LILRB2: variants seen among roughly 807,000 people sequenced by gnomAD.
The protein encoded by LILRB2 is leukocyte immunoglobulin like receptor B2, also known as leukocyte immunoglobulin-like receptor subfamily B member 2.
Under a neutral mutation model 72.7 loss-of-function variants are expected in LILRB2, and 47 were observed. That is an observed-to-expected ratio of 0.65 (90% confidence interval 0.51 to 0.82). LILRB2 has a LOEUF of 0.82. Among genes scored for constraint, LILRB2 ranks in the 40% least tolerant of loss-of-function variants. LILRB2 has a pLI of 0.00. For synonymous variants in LILRB2, 279 were observed against 313.7 expected (o/e 0.89, Z 1.17); for missense variants, 767 against 764.8 (o/e 1.00, Z -0.03).
chr19:54,273,913 T>G lies in LILRB2; in HGVS notation c.*770A>C, dbSNP rs1409216598. 6.6e-6 allele frequency: 1 copy of G among 152,250 alleles called. No homozygotes were observed. Among genetic ancestry groups the G allele is most frequent in the African/African-American group, 2.4e-5 (1 of 41,408 alleles). 9.4% of individuals were successfully genotyped at this position (152,250 alleles called of 1,614,324 possible). ...ATATATACACACACATACACACACA[T>G]TTAAAATGAGTCAGATTCTCTGATT... is the stretch of plus-strand genomic sequence containing the variant. On this transcript the variant is annotated 3_prime_UTR_variant, in exon 14 of 14. Coordinates refer to ENST00000314446, the MANE Select transcript of LILRB2 (RefSeq NM_001080978.4).
At position 54,279,448 on chromosome 19, in the gene LILRB2, G is replaced by A. The variant is rs779681764; in HGVS notation, c.555C>T (p.Pro185=). The change falls in exon 5 of 14, where the codon CCC becomes CCT. Residue 185 remains proline (P), a synonymous_variant. Transcript: ENST00000314446. Reference sequence around the variant, plus strand: ...GCGACCACCTGCGATTCGGGCTCACGGGGCCCACGGAGAAGATGGCGCGGG... The same window carrying A: ...GCGACCACCTGCGATTCGGGCTCACAGGGCCCACGGAGAAGATGGCGCGGG... ...GSSRAIFSVG[P]VSPNRRWSHR... 3.8e-5 allele frequency: 62 copies of A among 1,614,058 alleles called. No homozygotes were observed. Among genetic ancestry groups the A allele is most frequent in the African/African-American group, 2.4e-4 (18 of 74,924 alleles).
chr19:54,280,500 G>T lies in LILRB2; in HGVS notation c.-4C>A. 1 of 1,613,692 alleles carries T rather than the reference G, an allele frequency of 6.2e-7. No individual in the cohort carries two copies. Among genetic ancestry groups the T allele is most frequent in the Non-Finnish European group, 8.5e-7 (1 of 1,179,924 alleles). ...GGACTGTGACGATGGGGGTCATGGC[G>T]TCTCCTCCCACTGCCCTGCTCTGCG... is the stretch of plus-strand genomic sequence containing the variant. On this transcript the variant is annotated 5_prime_UTR_variant, in exon 2 of 14. Transcript: ENST00000314446.
In LILRB2 at chr19:54,278,827, C is replaced by A. The variant is rs41308752; in HGVS notation, c.940G>T (p.Asp314Tyr). 3.7e-6 allele frequency: 6 copies of A among 1,609,256 alleles called. No individual in the cohort carries two copies. The highest frequency in any genetic ancestry group is 5.1e-6 in the Non-Finnish European group (6 of 1,176,740). ...SECSAPSDPLDILITGQIRGT... is the reference protein window; with the variant it reads ...SECSAPSDPLYILITGQIRGT... ...GGCTCCTCACCTGTGATCAGGATGT[C>A]CAGGGGGTCGCTGGGGGCCGAGCAC... Residue 314 changes from aspartate (D) to tyrosine (Y), a missense_variant, in exon 6 of 14, where the codon GAC becomes TAC. Coordinates refer to ENST00000314446, the MANE Select transcript of LILRB2 (RefSeq NM_001080978.4).
In LILRB2 at chr19:54,276,052, C is replaced by T. The variant is rs751035047; in HGVS notation, c.1595-49G>A. On this transcript the variant is annotated intron_variant, in intron 12 of 13. Transcript: ENST00000314446. ...CGTCTCTTGGGAAGGTTCCCTGGGACCTCTGAGTCCTGCCAGCCCCTGCCC... is the reference window on the plus strand; with the variant it reads ...CGTCTCTTGGGAAGGTTCCCTGGGATCTCTGAGTCCTGCCAGCCCCTGCCC... 29 of 1,604,832 alleles carry T rather than the reference C, an allele frequency of 1.8e-5. No individual in the cohort carries two copies. In the Admixed American group the frequency reaches 4.7e-4, roughly 26 times the overall value.
rs778552917 is a variant in LILRB2, at chr19:54,276,281, G to A, written c.1577C>T (p.Ala526Val). 1.2e-5 allele frequency: 20 copies of A among 1,613,916 alleles called. No individual in the cohort carries two copies. The highest frequency in any genetic ancestry group is 1.6e-5 in the Non-Finnish European group (19 of 1,179,932). Residue 526 changes from alanine (A) to valine (V), a missense_variant, in exon 12 of 14, where the codon GCC (alanine) becomes GTC (valine). Ala to Val is a moderately conservative substitution (Grantham distance 64). Transcript: ENST00000314446. ...LQWRSSPAAD[A>V]QEENLYAAVK... ...TCACTCACAGAGGTTTTCTTCCTGGGCGTCGGCAGCTGGGCTGGACCTGGG... is the reference window on the plus strand; with the variant it reads ...TCACTCACAGAGGTTTTCTTCCTGGACGTCGGCAGCTGGGCTGGACCTGGG...
Position 54,276,801 on chromosome 19 carries a change from A to G in LILRB2, c.1480+6T>C. On this transcript the variant is annotated splice_donor_region_variant and intron_variant, in intron 10 of 13. Transcript: ENST00000314446. ...CGGCCCACAGGGTTTCCCCTTCCCT[A>G]CTCACTCGATGTCCAGTGTTTGCCC... The G allele has an allele frequency of 6.2e-7, 1 of 1,611,946 alleles. No homozygotes were observed. Among genetic ancestry groups the G allele is most frequent in the Non-Finnish European group, 8.5e-7 (1 of 1,178,970 alleles).
chr19:54,277,262 C>G (rs1331887821), intron 9 of LILRB2: 7 of 1,524,032 alleles, frequency 4.6e-6, no homozygotes, highest in Admixed American at 2.0e-5. Context: ...CTCCCCTGCC[C>G]CAGGTCACCG....
chr19:54,280,177 C>T, intron 3 of LILRB2, 87 bp downstream of exon 3: 1 of 1,612,376 alleles, frequency 6.2e-7, no homozygotes, highest in Non-Finnish European at 8.5e-7. Context: ...CAGTCCAGAA[C>T]TTCTAATCCC....
chr19:54,278,411 T>A lies in LILRB2; in HGVS notation c.1107A>T (p.Arg369Ser), dbSNP rs775432442. 2 of 1,614,190 alleles carry A rather than the reference T, an allele frequency of 1.2e-6. No individual in the cohort carries two copies. The highest frequency in any genetic ancestry group is 3.3e-5 in the Admixed American group (2 of 60,030). Reference protein sequence around the residue: ...AGAADAPLRLRSIHEYPKYQA... With the variant: ...AGAADAPLRLSSIHEYPKYQA... ...GGTACTTAGGATATTCGTGTATTGA[T>A]CTTAGACGGAGTGGGGCATCAGCTG... The change falls in exon 7 of 14, where the codon AGA (arginine) becomes AGT (serine). Residue 369 changes from arginine (R) to serine (S), a missense_variant. Physicochemically the swap from Arg to Ser is moderately radical, Grantham distance 110. Transcript: ENST00000314446.
chr19:54,276,705 A>G, intron 10 of LILRB2, 102 bp downstream of exon 10: 1 of 1,526,372 alleles, frequency 6.6e-7, no homozygotes, highest in Non-Finnish European at 8.8e-7. Context: ...AAATGCTGGA[A>G]CAGTTTCTCA....
In LILRB2 at chr19:54,276,906, C is replaced by G. The variant is rs758711654; in HGVS notation, c.1381G>C (p.Val461Leu). The G allele has an allele frequency of 6.2e-7, 1 of 1,614,034 alleles. No individual in the cohort carries two copies. The highest frequency in any genetic ancestry group is 1.1e-5 in the South Asian group (1 of 91,060). The change falls in exon 10 of 14, where the codon GTG (valine) becomes CTG (leucine). Residue 461 changes from valine to leucine, a missense_variant. This residue lies in a region of LILRB2 where 162 missense variants were observed against 176.7 expected (regional missense o/e 0.92). Coordinates refer to ENST00000314446, the MANE Select transcript of LILRB2 (RefSeq NM_001080978.4). ...QSGLGRHLGV[V>L]IGILVAVVLL... ...ACGACGGCCACCAAGATGCCGATCA[C>G]AACCCCCAGGTGCCTTCCCAGACCT...
chr19:54,277,828 C>T, intron 8 of LILRB2, 61 bp downstream of exon 8: 1 of 1,402,616 alleles, frequency 7.1e-7, no homozygotes, highest in Non-Finnish European at 9.9e-7. Context: ...TCCTCCTGGA[C>T]ACTCAAAGCT....
chr19:54,280,433 T>G, intron 2 of LILRB2, 30 bp downstream of exon 2: 1 of 1,613,888 alleles, frequency 6.2e-7, no homozygotes. Flanking sequence ...CCTCCTAGGT[T>G]AGAAGCTCCC....
Position 54,278,942 on chromosome 19 carries a change from C to A in LILRB2, c.825G>T (p.Gly275=). 1 of 1,614,182 alleles carries A rather than the reference C, an allele frequency of 6.2e-7. No individual in the cohort carries two copies. ...RQLPGRQPQA[G]LSQANFTLGP... is the part of the protein sequence containing the mutation. ...CCAGGGTGAAGTTGGCCTGGGAGAGCCCAGCCTGGGGCTGCCGGCCAGGGA... is the reference window on the plus strand; with the variant it reads ...CCAGGGTGAAGTTGGCCTGGGAGAGACCAGCCTGGGGCTGCCGGCCAGGGA... Residue 275 remains glycine (G), a synonymous_variant, in exon 6 of 14, where the codon GGG becomes GGT. Coordinates refer to ENST00000314446, the MANE Select transcript of LILRB2 (RefSeq NM_001080978.4).
At chr19:54,278,683 C>G (rs2080381212) in intron 6 of LILRB2, 121 bp from the exon 7 acceptor site, 7 of 1,476,760 alleles carry the variant, frequency 4.7e-6, no homozygotes, top group Non-Finnish European at 6.4e-6. Context: ...CACCCATCCC[C>G]TGTCTCTCTC....
chr19:54,275,276 T>G (rs55677309), intron 13 of LILRB2: 4 of 677,922 alleles, frequency 5.9e-6, no homozygotes, highest in East Asian at 2.8e-5. Context: ...TGCAGCCTCA[T>G]GGGCCTTCCC....
Position 54,274,354 on chromosome 19 carries a change from T to C in LILRB2, c.*329A>G, listed in dbSNP as rs559833665. 3.3e-4 allele frequency: 84 copies of C among 256,060 alleles called. 1 individual carries two copies. The highest frequency in any genetic ancestry group is 1.4e-3 in the Admixed American group (29 of 20,188). The allele number at this position is 256,060 out of a possible 1,614,324, so 15.9% of individuals were successfully genotyped here. On this transcript the variant is annotated 3_prime_UTR_variant, in exon 14 of 14. Coordinates refer to ENST00000314446, the MANE Select transcript of LILRB2 (RefSeq NM_001080978.4). ...TTTTTTTTCGTTTCTACTTTTTTCA[T>C]TTGTGGTTTGTACTTTTTCAATTTC...
intron 12 of LILRB2, 65 bp downstream of exon 12, chr19:54,276,199 C>G: frequency 6.2e-7 from 1 of 1,608,534 alleles, no homozygotes; most frequent in East Asian, 2.2e-5. Flanking sequence ...CCCCTTTCCC[C>G]ATTGCTACGG....
Position 54,279,382 on chromosome 19 carries a change from C to T in LILRB2, c.621G>A (p.Trp207Ter), listed in dbSNP as rs1308641989. 2 of 1,613,922 alleles carry T rather than the reference C, an allele frequency of 1.2e-6. No individual in the cohort carries two copies. The highest frequency in any genetic ancestry group is 2.7e-5 in the African/African-American group (2 of 74,916). Residue 207 changes from tryptophan (W) to a stop codon, truncating the protein, a stop_gained, in exon 5 of 14, where the codon TGG (tryptophan) becomes TGA (stop). Transcript: ENST00000314446. LOFTEE classifies it high-confidence loss of function. Reference protein sequence around the residue: ...YGYDLNSPYVWSSPSDLLELL... With the variant: ...YGYDLNSPYV ...GCTCCAGGAGATCACTGGGTGAAGACCACACATAGGGAGAGTTCAAGTCAT... is the reference window on the plus strand; with the variant it reads ...GCTCCAGGAGATCACTGGGTGAAGATCACACATAGGGAGAGTTCAAGTCAT...
Sources: allele counts gnomAD v4.1 joint callset, GRCh38; gene constraint gnomAD v4.1.1; regional missense constraint gnomAD v4.1.1; transcripts MANE v1.5; gene names NCBI Gene and HGNC (gene_info 2026-07-23, HGNC 2026-07-21).